The following ZBTB20 variants were observed in gnomAD, a reference collection of about 807,000 sequenced individuals.
ZBTB20 encodes the protein zinc finger and BTB domain containing 20.
ZBTB20 carries 9 observed loss-of-function variants against 56.9 expected under a neutral mutation model. That is an observed-to-expected ratio of 0.16 (90% CI 0.10 to 0.28). The LOEUF (loss-of-function observed/expected upper bound fraction) is 0.28. Among genes scored for constraint, ZBTB20 ranks in the 10% least tolerant of loss-of-function variants. The pLI, the probability that ZBTB20 is intolerant of heterozygous loss-of-function variation, is 1.00. For missense variants in ZBTB20, 655 were observed against 1,003.0 expected, an observed-to-expected ratio of 0.65 and a Z score of 4.69; for synonymous variants, 417 against 420.7, an observed-to-expected ratio of 0.99 and a Z score of 0.11.
At chr3:114,558,769 C>T (rs1693489342) in intron 6 of ZBTB20, among the ~76,000 whole-genome samples, 1 of 152,140 alleles carries the variant, frequency 6.6e-6, no homozygotes, top group South Asian at 2.1e-4. Context: ...ACTTCTCACT[C>T]TACAGCCTAT....
chr3:114,949,947 T>C (rs970650358), intron 3 of ZBTB20, among the ~76,000 whole-genome samples: 2 of 152,064 alleles, frequency 1.3e-5, no homozygotes, highest in Non-Finnish European at 2.9e-5. Flanking sequence ...CCTTTCAACA[T>C]GCACATCACA....
intron 2 of ZBTB20, among the ~76,000 whole-genome samples, chr3:115,013,259 C>T (rs189978914): frequency 4.6e-5 from 7 of 151,044 alleles, no homozygotes; most frequent in African/African-American, 1.2e-4. Context: ...TACAAAAGAT[C>T]GCTAAACAAA....
intron 3 of ZBTB20, among the ~76,000 whole-genome samples, chr3:114,913,633 G>T (rs1473812388): frequency 1.3e-5 from 2 of 151,136 alleles, no homozygotes; most frequent in Non-Finnish European, 3.0e-5. Flanking sequence ...TGTGCTTATG[G>T]GGTATTAAGA....
chr3:114,405,195 T>G (rs1431839770), intron 7 of ZBTB20, among the ~76,000 whole-genome samples: 2 of 151,906 alleles, frequency 1.3e-5, no homozygotes, highest in Admixed American at 6.6e-5. Context: ...CAGTCTGACT[T>G]TTTTTTTCCA....
At chr3:115,058,188 G>A (rs1175307590) in intron 2 of ZBTB20, among the ~76,000 whole-genome samples, 1 of 152,188 alleles carries the variant, frequency 6.6e-6, no homozygotes, top group East Asian at 1.9e-4. Context: ...TGGGGACATA[G>A]CCAAACATAT....
At chr3:115,083,850 T>C (rs2082885981) in intron 1 of ZBTB20, among the ~76,000 whole-genome samples, 1 of 151,870 alleles carries the variant, frequency 6.6e-6, no homozygotes, top group Non-Finnish European at 1.5e-5. Context: ...AGAGAGAGGG[T>C]TTCTAAATAT....
At chr3:114,960,516 G>T (rs191040820) in intron 3 of ZBTB20, among the ~76,000 whole-genome samples, 29 of 152,328 alleles carry the variant, frequency 1.9e-4, no homozygotes, top group Admixed American at 1.8e-3. Flanking sequence ...ACATCAGGAA[G>T]ATTTCATAAC....
chr3:114,479,638 T>C (rs1336288431), intron 7 of ZBTB20, among the ~76,000 whole-genome samples: 1 of 152,236 alleles, frequency 6.6e-6, no homozygotes, highest in Non-Finnish European at 1.5e-5. Flanking sequence ...AGTATAAACA[T>C]ACAATTGTGT....
intron 4 of ZBTB20, chr3:114,861,896 TC>T (rs2075552154): frequency 6.6e-6 from 1 of 152,194 alleles, no homozygotes; most frequent in Non-Finnish European, 1.5e-5. Context: ...GATGCAATCA[TC>T]CATCTGTCCA....
In ZBTB20 at chr3:114,714,886, G is replaced by C. The variant is rs1038351749; in HGVS notation, c.-342-21311C>G. On this transcript the variant is annotated intron_variant, in intron 5 of 11. Transcript: ENST00000675478. ...CATAACGTTCCTGCCCAGGCAGGCA[G>C]AAAGATAGACAGACCAACAATTTAG... Among the ~76,000 whole-genome samples the C allele has an allele frequency of 2.0e-5, 3 of 152,230 alleles. No homozygotes were observed. The East Asian group carries it at 5.8e-4, about 29-fold the overall frequency.
intron 6 of ZBTB20, among the ~76,000 whole-genome samples, chr3:114,669,916 C>T (rs1043627064): frequency 6.6e-6 from 1 of 151,942 alleles, no homozygotes; most frequent in African/African-American, 2.4e-5. Context: ...CCTAGCACCT[C>T]TCAACTGTTA....
At position 114,989,685 on chromosome 3, in the gene ZBTB20, C is replaced by T. The variant is rs192798293; in HGVS notation, c.-506-15269G>A. On this transcript the variant is annotated intron_variant, in intron 2 of 11. Transcript: ENST00000675478. The stretch of plus-strand genomic sequence containing the variant: ...GGGATGGCATTGAATATATAAATTA[C>T]GCAGGACAGTATGGCCATTTTCATG... 1.1e-3 allele frequency among the ~76,000 whole-genome samples: 162 copies of T among 152,136 alleles called. 1 individual carries two copies. The highest frequency in any genetic ancestry group is 3.5e-3 in the African/African-American group (144 of 41,496).
intron 5 of ZBTB20, among the ~76,000 whole-genome samples, chr3:114,724,448 A>C (rs1013729318): frequency 2.0e-4 from 30 of 152,312 alleles, no homozygotes; most frequent in East Asian, 1.3e-3. Flanking sequence ...CTTTTTAGAA[A>C]GAGAGGCAGA....
At chr3:114,938,687 G>A (rs951192293) in intron 3 of ZBTB20, among the ~76,000 whole-genome samples, 2 of 145,600 alleles carry the variant, frequency 1.4e-5, no homozygotes, top group South Asian at 2.2e-4. Flanking sequence ...TGGGGAAGTA[G>A]GGGAGGGATA....
intron 3 of ZBTB20, among the ~76,000 whole-genome samples, chr3:114,967,212 T>C (rs2077682913): frequency 6.6e-6 from 1 of 152,202 alleles, no homozygotes; most frequent in Non-Finnish European, 1.5e-5. Flanking sequence ...TGAGAAAACC[T>C]GTTCAGAAGT....
chr3:114,426,419 T>G (rs1039985777), intron 7 of ZBTB20, among the ~76,000 whole-genome samples: 15 of 150,702 alleles, frequency 1.0e-4, no homozygotes, highest in African/African-American at 3.4e-4. Context: ...CTGTCACAGT[T>G]CCCTCTTTAG....
chr3:115,013,734 G>A (rs796669980), intron 2 of ZBTB20, among the ~76,000 whole-genome samples: 2 of 151,586 alleles, frequency 1.3e-5, no homozygotes, highest in African/African-American at 2.4e-5. Context: ...GACACATTTC[G>A]GATCAAATGG....
At chr3:114,477,641 G>A (rs535073515) in intron 7 of ZBTB20, among the ~76,000 whole-genome samples, 7 of 151,468 alleles carry the variant, frequency 4.6e-5, no homozygotes, top group East Asian at 2.0e-4. Flanking sequence ...GATTACAGGC[G>A]CCCAACACCA....
intron 4 of ZBTB20, among the ~76,000 whole-genome samples, chr3:114,839,861 A>G (rs546571703): frequency 1.3e-4 from 20 of 152,340 alleles, no homozygotes; most frequent in Middle Eastern, 3.4e-3. Flanking sequence ...CTGGAAAAGC[A>G]AGGAATGATT....
Sources: allele counts gnomAD v4.1 joint callset (sites outside exome capture counted in the v4.1 genomes callset), GRCh38; gene constraint gnomAD v4.1.1; transcripts MANE v1.5; gene names NCBI Gene and HGNC (gene_info 2026-07-23, HGNC 2026-07-21).